Variants in SYBU observed in about 807,000 individuals in gnomAD.
The protein encoded by SYBU is GOLSYN A protein.
SYBU carries 21 observed loss-of-function variants against 35.9 expected under a neutral mutation model. That is an observed-to-expected ratio of 0.58 (90% CI 0.41 to 0.84). SYBU has a LOEUF of 0.84. Among genes scored for constraint, SYBU ranks in the 40% least tolerant of loss-of-function variants. The pLI, the probability that SYBU is intolerant of heterozygous loss-of-function variation, is 0.00. For missense variants in SYBU, 768 were observed against 848.2 expected, an observed-to-expected ratio of 0.91 and a Z score of 1.17; for synonymous variants, 319 against 324.3, an observed-to-expected ratio of 0.98 and a Z score of 0.18.
At chr8:109,607,932 C>T in intron 3 of SYBU, 1 of 1,533,402 alleles carries the variant, frequency 6.5e-7, no homozygotes. Context: ...GCTCCATAGA[C>T]TTTCATGGCA....
chr8:109,588,204 C>T (rs1586751172), intron 3 of SYBU, among the ~76,000 whole-genome samples: 2 of 152,292 alleles, frequency 1.3e-5, no homozygotes, highest in East Asian at 3.9e-4. Flanking sequence ...AAAAGCCCAT[C>T]GATTATAATT....
At chr8:109,634,294 T>G (rs1185495239) in intron 2 of SYBU, among the ~76,000 whole-genome samples, 3 of 152,148 alleles carry the variant, frequency 2.0e-5, no homozygotes, top group Non-Finnish European at 4.4e-5. Flanking sequence ...CAAAAAGATC[T>G]CTCTTCTAGA....
At chr8:109,597,733 C>T (rs185502139) in intron 3 of SYBU, among the ~76,000 whole-genome samples, 5 of 152,142 alleles carry the variant, frequency 3.3e-5, no homozygotes, top group Admixed American at 3.3e-4. Context: ...TTTTTTGAGT[C>T]TATATGAGGA....
intron 3 of SYBU, among the ~76,000 whole-genome samples, chr8:109,587,798 T>G (rs1235887905): frequency 6.6e-6 from 1 of 152,184 alleles, no homozygotes; most frequent in East Asian, 1.9e-4. Flanking sequence ...CAGTGACTCC[T>G]GGCTCCCAGT....
At chr8:109,656,892 T>C (rs1310187025) in intron 1 of SYBU, among the ~76,000 whole-genome samples, 2 of 152,132 alleles carry the variant, frequency 1.3e-5, no homozygotes, top group Non-Finnish European at 2.9e-5. Context: ...AATCAAATAT[T>C]ATTTTGACAC....
At chr8:109,607,096 A>G (rs1826145976) in intron 3 of SYBU, among the ~76,000 whole-genome samples, 1 of 152,028 alleles carries the variant, frequency 6.6e-6, no homozygotes, top group Non-Finnish European at 1.5e-5. Flanking sequence ...TTTTGTTTCT[A>G]CTAATTAATT....
upstream of SYBU, chr8:109,648,756 C>T (rs1352231873): frequency 6.6e-6 from 1 of 151,810 alleles, no homozygotes; most frequent in East Asian, 1.9e-4. Context: ...ATCCTATCAG[C>T]TGTGTGAGCA....
chr8:109,658,877 C>T (rs767528165), intron 1 of SYBU, among the ~76,000 whole-genome samples: 9 of 151,958 alleles, frequency 5.9e-5, no homozygotes, highest in Non-Finnish European at 1.0e-4. Context: ...TCGCTTGAAC[C>T]GGAAAGGCGG....
chr8:109,579,366 C>T (rs900215575), intron 5 of SYBU, among the ~76,000 whole-genome samples: 1 of 152,206 alleles, frequency 6.6e-6, no homozygotes, highest in African/African-American at 2.4e-5. Flanking sequence ...TGGACACCCT[C>T]CCCACCTTTC....
intron 1 of SYBU, among the ~76,000 whole-genome samples, chr8:109,687,557 A>T (rs1463448789): frequency 6.6e-6 from 1 of 152,176 alleles, no homozygotes; most frequent in African/African-American, 2.4e-5. Context: ...ACACTGATTG[A>T]TGAGGCTGAA....
At chr8:109,662,790 A>G (rs1816612033) in intron 1 of SYBU, among the ~76,000 whole-genome samples, 1 of 152,150 alleles carries the variant, frequency 6.6e-6, no homozygotes. Flanking sequence ...TTTCTGAACC[A>G]GAGTATAGGT....
At chr8:109,644,991 C>T, upstream of SYBU, 1 of 486,906 alleles carries the variant, frequency 2.1e-6, no homozygotes, top group Non-Finnish European at 3.8e-6. Flanking sequence ...GCACTCCGCG[C>T]CCCCCCAGCC....
chr8:109,679,030 T>A (rs1817305820), intron 1 of SYBU, among the ~76,000 whole-genome samples: 1 of 152,084 alleles, frequency 6.6e-6, no homozygotes, highest in African/African-American at 2.4e-5. Flanking sequence ...TAAAACAGGA[T>A]GCGGTAAAGA....
intron 3 of SYBU, chr8:109,607,808 TCACACACACACACACACACACACA>T (rs71305960): frequency 3.2e-5 from 12 of 377,122 alleles, no homozygotes; most frequent in Non-Finnish European, 5.6e-5. Flanking sequence ...CACAACTAAC[TCACACACACACACACACACACACA>T]CACACACACA....
upstream of SYBU, among the ~76,000 whole-genome samples, chr8:109,684,916 A>T (rs1238316940): frequency 1.3e-5 from 2 of 152,214 alleles, no homozygotes; most frequent in African/African-American, 2.4e-5. Flanking sequence ...TAATTAGAAA[A>T]GCAAGGTTGC....
At position 109,574,726 on chromosome 8, in the gene SYBU, A is replaced by G. The variant is rs1586703142; in HGVS notation, c.*180T>C. On this transcript the variant is annotated 3_prime_UTR_variant, in exon 7 of 7. Transcript: ENST00000276646. ...GGACATTTACTGGAACCAGGTCTCC[A>G]TGCCTTTGAAGATACCTCCGGTTTT... The G allele has an allele frequency of 2.3e-5, 13 of 562,154 alleles. No homozygotes were observed. The East Asian group carries it at 4.0e-4, about 17-fold the overall frequency. 34.8% of individuals were successfully genotyped at this position (562,154 alleles called of 1,614,324 possible).
chr8:109,654,294 C>A (rs1003998887), intron 1 of SYBU, among the ~76,000 whole-genome samples: 2 of 152,208 alleles, frequency 1.3e-5, no homozygotes, highest in Non-Finnish European at 2.9e-5. Context: ...ACAGCTCTAC[C>A]AAATAGCTCT....
chr8:109,640,106 T>C (rs922621895), intron 2 of SYBU, among the ~76,000 whole-genome samples: 1 of 152,174 alleles, frequency 6.6e-6, no homozygotes, highest in Non-Finnish European at 1.5e-5. Context: ...AGGCTCAAGA[T>C]TGAAAGGTTG....
intron 4 of SYBU, chr8:109,585,719 CAGAGGGGAGGTA>C (rs1408618212): frequency 1.9e-5 from 4 of 205,620 alleles, no homozygotes; most frequent in Middle Eastern, 2.0e-3. Flanking sequence ...CATAGCTTCA[CAGAGGGGAGGTA>C]GGAGGGAAGT....
Sources: gnomAD v4.1 joint callset for allele counts (sites outside exome capture counted in the v4.1 genomes callset) on GRCh38, gnomAD v4.1.1 for gene constraint, MANE v1.5 for transcripts, NCBI Gene and HGNC (gene_info 2026-07-23, HGNC 2026-07-21) for gene names.